The following IL1RAPL1 variants were observed in gnomAD, a reference collection of about 807,000 sequenced individuals.
The protein encoded by IL1RAPL1 is interleukin 1 receptor accessory protein like 1.
A neutral mutation model predicts 48.4 loss-of-function variants in IL1RAPL1; 3 were observed. The observed-to-expected ratio is 0.06, with a 90% CI of 0.03 to 0.16. IL1RAPL1 has a LOEUF of 0.16. Among genes scored for constraint, IL1RAPL1 ranks in the 10% least tolerant of loss-of-function variants. The probability of loss-of-function intolerance (pLI) is 1.00; values close to 1 mark genes in which losing one functional copy is unlikely to be tolerated. For missense variants in IL1RAPL1, 349 were observed against 530.6 expected (o/e 0.66, Z 3.36); for synonymous variants, 185 against 187.7 (o/e 0.99, Z 0.12).
At chrX:29,471,959 A>G (rs1253922774) in intron 5 of IL1RAPL1, among the ~76,000 whole-genome samples, 1 of 111,656 alleles carries the variant, frequency 9.0e-6, no homozygotes, top group Non-Finnish European at 1.9e-5. Flanking sequence ...GGAAATTTAC[A>G]ATTGCTTTCA....
intron 2 of IL1RAPL1, among the ~76,000 whole-genome samples, chrX:29,088,378 CA>C (rs1423501089): frequency 1.8e-5 from 2 of 111,351 alleles, no homozygotes; most frequent in Non-Finnish European, 3.8e-5. Context: ...TGCATGTTTA[CA>C]TTAAGAAATA....
At chrX:29,252,794 A>G (rs758804574) in intron 2 of IL1RAPL1, among the ~76,000 whole-genome samples, 4 of 111,538 alleles carry the variant, frequency 3.6e-5, no homozygotes, top group African/African-American at 6.5e-5. Context: ...TAGGAAGAAC[A>G]TATTAAAAGT....
At chrX:29,123,480 G>C (rs1052706906) in intron 2 of IL1RAPL1, among the ~76,000 whole-genome samples, 2 of 112,099 alleles carry the variant, frequency 1.8e-5, no homozygotes, top group African/African-American at 3.2e-5. Context: ...ATATGACTAA[G>C]GCTTCCCGCT....
At chrX:29,420,054 C>T (rs1247384267) in intron 5 of IL1RAPL1, among the ~76,000 whole-genome samples, 1 of 111,897 alleles carries the variant, frequency 8.9e-6, no homozygotes, top group Non-Finnish European at 1.9e-5. Flanking sequence ...TTTCTTTCTC[C>T]ATCAATTACT....
rs1288753024 is a variant in IL1RAPL1, at chrX:29,546,786, A to G, written c.704-121644A>G. Among the ~76,000 whole-genome samples, 3 of 112,158 alleles carry G rather than the reference A, an allele frequency of 2.7e-5. No individual in the cohort carries two copies. The East Asian group carries it at 8.3e-4, about 31-fold the overall frequency. ...AGTTATTTCCATTTCCATGAGCCTG[A>G]GCCTTCTCCTCTCCCATATTCCTGC... On this transcript the variant is annotated intron_variant, in intron 5 of 10. Coordinates refer to ENST00000378993, the MANE Select transcript of IL1RAPL1 (RefSeq NM_014271.4).
At chrX:28,660,241 C>T (rs1280119671) in intron 1 of IL1RAPL1, among the ~76,000 whole-genome samples, 2 of 109,554 alleles carry the variant, frequency 1.8e-5, no homozygotes, top group African/African-American at 6.7e-5. Context: ...CATTGAAATA[C>T]TTTTGACCCC....
chrX:29,100,811 T>C (rs1219278781), intron 2 of IL1RAPL1, among the ~76,000 whole-genome samples: 2 of 112,082 alleles, frequency 1.8e-5, no homozygotes, highest in Admixed American at 9.5e-5. Context: ...AGTTTTGTTG[T>C]CAGGTTTAAG....
chrX:28,629,428 A>G (rs1437911018), intron 1 of IL1RAPL1, among the ~76,000 whole-genome samples: 1 of 111,897 alleles, frequency 8.9e-6, no homozygotes, highest in African/African-American at 3.2e-5. Flanking sequence ...GGACCTTACT[A>G]TGTGTCATTG....
At chrX:29,535,505 C>T (rs1010062355) in intron 5 of IL1RAPL1, among the ~76,000 whole-genome samples, 1 of 111,484 alleles carries the variant, frequency 9.0e-6, no homozygotes, top group Non-Finnish European at 1.9e-5. Flanking sequence ...TGTACCCACT[C>T]CTCCAGGTGG....
intron 5 of IL1RAPL1, among the ~76,000 whole-genome samples, chrX:29,534,018 C>T (rs905646943): frequency 2.7e-5 from 3 of 111,596 alleles, no homozygotes; most frequent in Non-Finnish European, 5.6e-5. Context: ...AGCAAACTCT[C>T]TTGCATGTAC....
chrX:29,551,516 C>A (rs1377441507), intron 5 of IL1RAPL1, among the ~76,000 whole-genome samples: 1 of 111,163 alleles, frequency 9.0e-6, no homozygotes, highest in African/African-American at 3.3e-5. Context: ...TCTGTTAATC[C>A]GTTAGGGTAT....
chrX:29,619,179 G>A (rs969662445), intron 5 of IL1RAPL1, among the ~76,000 whole-genome samples: 3 of 111,534 alleles, frequency 2.7e-5, no homozygotes, highest in Non-Finnish European at 5.7e-5. Context: ...TAGTGCTTGG[G>A]TTTGTATATT....
At chrX:29,014,118 A>G (rs1202076389) in intron 2 of IL1RAPL1, among the ~76,000 whole-genome samples, 1 of 111,562 alleles carries the variant, frequency 9.0e-6, no homozygotes, top group Non-Finnish European at 1.9e-5. Flanking sequence ...ACATCAAACA[A>G]GGGTAATTTT....
intron 5 of IL1RAPL1, among the ~76,000 whole-genome samples, chrX:29,439,413 C>T (rs1421528162): frequency 9.0e-6 from 1 of 111,610 alleles, no homozygotes; most frequent in Non-Finnish European, 1.9e-5. Flanking sequence ...TTCCATTGTC[C>T]AAAGCCAGTC....
chrX:29,744,160 G>T (rs1928274477), intron 6 of IL1RAPL1, among the ~76,000 whole-genome samples: 1 of 111,654 alleles, frequency 9.0e-6, no homozygotes, highest in African/African-American at 3.3e-5. Context: ...AAATGTATGG[G>T]TATTAGCTTA....
intron 5 of IL1RAPL1, among the ~76,000 whole-genome samples, chrX:29,501,080 C>T (rs964817037): frequency 9.0e-6 from 1 of 111,371 alleles, no homozygotes; most frequent in African/African-American, 3.3e-5. Flanking sequence ...TATCTGTTGG[C>T]CATTTGTATG....
rs188994158 is a variant in IL1RAPL1, at chrX:28,616,320, C to T, written c.-25+28273C>T. ...TGTTTTCTGGTACGTGCTTAGAAAA[C>T]GACTATTTGTTCCTGGATTTATGTA... On this transcript the variant is annotated intron_variant, in intron 1 of 10. Coordinates refer to ENST00000378993, the MANE Select transcript of IL1RAPL1 (RefSeq NM_014271.4). Among the ~76,000 whole-genome samples the T allele has an allele frequency of 9.8e-4, 110 of 112,327 alleles. 2 individuals carry two copies. Among genetic ancestry groups the T allele is most frequent in the Admixed American group, 8.2e-3 (87 of 10,671 alleles).
intron 3 of IL1RAPL1, among the ~76,000 whole-genome samples, chrX:29,389,933 A>G (rs1933833526): frequency 8.9e-6 from 1 of 111,837 alleles, no homozygotes; most frequent in African/African-American, 3.2e-5. Flanking sequence ...ACTAATCCAA[A>G]CAAATCTCTC....
Position 29,132,678 on chromosome X carries a change from T to C in IL1RAPL1, c.83-150260T>C, listed in dbSNP as rs111959993. Among the ~76,000 whole-genome samples the C allele has an allele frequency of 1.1e-3, 127 of 111,995 alleles. 1 individual carries two copies. The highest frequency in any genetic ancestry group is 4.0e-3 in the African/African-American group (122 of 30,867). ...GGAGAAATGGCTTATTTTTATCTTGTGGACATTGAAAATGACTTGGCAGAC... is the reference window on the plus strand; with the variant it reads ...GGAGAAATGGCTTATTTTTATCTTGCGGACATTGAAAATGACTTGGCAGAC... On this transcript the variant is annotated intron_variant, in intron 2 of 10. Transcript: ENST00000378993.
Sources: allele counts gnomAD v4.1 joint callset (sites outside exome capture counted in the v4.1 genomes callset), GRCh38; gene constraint gnomAD v4.1.1; transcripts MANE v1.5; gene names NCBI Gene and HGNC (gene_info 2026-07-23, HGNC 2026-07-21).